The following MACROD2 variants were observed in gnomAD, a reference collection of about 807,000 sequenced individuals.
MACROD2 encodes mono-ADP ribosylhydrolase 2.
A neutral mutation model predicts 70.4 loss-of-function variants in MACROD2; 36 were observed. The observed-to-expected ratio is 0.51, with a 90% CI of 0.39 to 0.68. MACROD2 has a LOEUF of 0.68. MACROD2 is among the 30% of genes least tolerant of loss of function. The probability of loss-of-function intolerance (pLI) is 0.00; values close to 1 mark genes in which losing one functional copy is unlikely to be tolerated. For synonymous variants in MACROD2, 172 were observed against 178.8 expected (o/e 0.96, Z 0.30); for missense variants, 496 against 538.4 (o/e 0.92, Z 0.78).
chr20:14,967,786 T>G (rs922237260), intron 5 of MACROD2, among the ~76,000 whole-genome samples: 3 of 152,188 alleles, frequency 2.0e-5, no homozygotes, highest in African/African-American at 7.2e-5. Flanking sequence ...GCAAAATATT[T>G]TGAACAAAAC....
intron 6 of MACROD2, among the ~76,000 whole-genome samples, chr20:15,346,905 G>A (rs2078172820): frequency 6.6e-6 from 1 of 152,244 alleles, no homozygotes; most frequent in African/African-American, 2.4e-5. Context: ...AAATCTCTGG[G>A]GCTGAAAATT....
chr20:15,368,935 G>A (rs578069993), intron 6 of MACROD2, among the ~76,000 whole-genome samples: 27 of 152,262 alleles, frequency 1.8e-4, no homozygotes, highest in African/African-American at 5.8e-4. Flanking sequence ...AGCGGGATAC[G>A]TCATTGCCTG....
At chr20:15,187,833 C>T (rs935452842) in intron 5 of MACROD2, among the ~76,000 whole-genome samples, 5 of 152,056 alleles carry the variant, frequency 3.3e-5, no homozygotes, top group African/African-American at 1.2e-4. Flanking sequence ...GCAATTTGTT[C>T]TGTGTTCTCA....
At chr20:15,503,271 A>G (rs2047386511) in intron 8 of MACROD2, among the ~76,000 whole-genome samples, 1 of 152,196 alleles carries the variant, frequency 6.6e-6, no homozygotes, top group African/African-American at 2.4e-5. Context: ...AGAAGACAAG[A>G]ATTGTGTTGC....
chr20:14,746,233 C>A lies in MACROD2; in HGVS notation c.418+61274C>A, dbSNP rs543501738. Among the ~76,000 whole-genome samples, 35 of 152,306 alleles carry A rather than the reference C, an allele frequency of 2.3e-4. 2 individuals are homozygous for A. Among genetic ancestry groups the A allele is most frequent in the Admixed American group, 1.9e-3 (29 of 15,280 alleles). On this transcript the variant is annotated intron_variant, in intron 5 of 17. Transcript: ENST00000684519. ...TTTCACTACCAGGAATTTCCCTTTA[C>A]CTCTTGACAGAGGAACTCCTGCAGT...
chr20:15,424,977 A>G (rs13036384), intron 6 of MACROD2, among the ~76,000 whole-genome samples: 50,092 of 152,040 alleles, frequency 0.33, 8,506 homozygotes, highest in South Asian at 0.39. Flanking sequence ...AGGAGGAGGT[A>G]TGTGTCTTGA....
intron 8 of MACROD2, among the ~76,000 whole-genome samples, chr20:15,559,448 C>G (rs902236937): frequency 6.6e-6 from 1 of 152,062 alleles, no homozygotes; most frequent in Non-Finnish European, 1.5e-5. Context: ...ATATTGAAAT[C>G]GCAATCTTAT....
intron 4 of MACROD2, among the ~76,000 whole-genome samples, chr20:14,657,278 A>G (rs1008747990): frequency 1.3e-5 from 2 of 152,254 alleles, no homozygotes; most frequent in African/African-American, 4.8e-5. Context: ...TTACTTATTC[A>G]TTAGTAGAAG....
chr20:14,623,342 C>G (rs955036967), intron 4 of MACROD2, among the ~76,000 whole-genome samples: 2 of 152,086 alleles, frequency 1.3e-5, no homozygotes, highest in African/African-American at 4.8e-5. Flanking sequence ...GGACTGGATC[C>G]AGAGGGTGCT....
chr20:14,349,732 T>A (rs570777071), intron 3 of MACROD2, among the ~76,000 whole-genome samples: 1 of 150,888 alleles, frequency 6.6e-6, no homozygotes, highest in South Asian at 2.1e-4. Context: ...TTCGTCTTTC[T>A]GTGCCTGGCT....
intron 5 of MACROD2, among the ~76,000 whole-genome samples, chr20:14,704,813 C>G (rs965420124): frequency 6.6e-6 from 1 of 152,082 alleles, no homozygotes; most frequent in Non-Finnish European, 1.5e-5. Context: ...TATGCGTGTT[C>G]TTTTTTTAAA....
chr20:14,426,566 A>G (rs1262134797), intron 3 of MACROD2, among the ~76,000 whole-genome samples: 1 of 152,126 alleles, frequency 6.6e-6, no homozygotes, highest in Admixed American at 6.6e-5. Context: ...GTGTGGGACA[A>G]AGTAGCTCGA....
chr20:14,032,397 G>A (rs1344342995), intron 2 of MACROD2, among the ~76,000 whole-genome samples: 2 of 152,014 alleles, frequency 1.3e-5, no homozygotes, highest in Non-Finnish European at 2.9e-5. Flanking sequence ...CAAAATGGCC[G>A]AAAAGGTTTA....
intron 6 of MACROD2, among the ~76,000 whole-genome samples, chr20:15,369,772 A>C (rs988257658): frequency 6.6e-6 from 1 of 152,192 alleles, no homozygotes; most frequent in Non-Finnish European, 1.5e-5. Flanking sequence ...TTAGGTTCCG[A>C]TAATTAGATC....
chr20:15,335,905 C>T (rs2078043157), intron 6 of MACROD2, among the ~76,000 whole-genome samples: 1 of 151,618 alleles, frequency 6.6e-6, no homozygotes. Context: ...ATTCTTCATG[C>T]CCAAGGGGTC....
At chr20:15,194,245 CAAAAAAAAAA>C (rs71190180) in intron 5 of MACROD2, among the ~76,000 whole-genome samples, 13 of 49,846 alleles carry the variant, frequency 2.6e-4, no homozygotes, top group Non-Finnish European at 4.0e-4. Flanking sequence ...CACTCTGTCT[CAAAAAAAAAA>C]AAAAAAAAAA....
At chr20:14,826,267 G>A (rs1333123377) in intron 5 of MACROD2, among the ~76,000 whole-genome samples, 1 of 151,128 alleles carries the variant, frequency 6.6e-6, no homozygotes, top group Non-Finnish European at 1.5e-5. Flanking sequence ...CAATACCCAT[G>A]CATTGACTCC....
At chr20:15,945,672 G>GTAAA (rs2065812289) in intron 12 of MACROD2, among the ~76,000 whole-genome samples, 1 of 152,136 alleles carries the variant, frequency 6.6e-6, no homozygotes, top group Non-Finnish European at 1.5e-5. Flanking sequence ...TTCAATGGAT[G>GTAAA]TAAAGCAATC....
rs547131224 is a variant in MACROD2, at chr20:15,837,247, A to G, written c.646-25498A>G. On this transcript the variant is annotated intron_variant, in intron 8 of 17. Coordinates refer to ENST00000684519, the MANE Select transcript of MACROD2 (RefSeq NM_001351661.2). Reference sequence around the variant, plus strand: ...TAACCATAAATGCCTTTTCAAAAGTATAATATGCACTAAGATTTGCTCTGT... The same window carrying G: ...TAACCATAAATGCCTTTTCAAAAGTGTAATATGCACTAAGATTTGCTCTGT... Among the ~76,000 whole-genome samples the G allele has an allele frequency of 2.0e-4, 30 of 152,332 alleles. No individual in the cohort carries two copies. In the South Asian group the frequency reaches 3.1e-3, roughly 16 times the overall value.
Sources: allele counts gnomAD v4.1 joint callset (sites outside exome capture counted in the v4.1 genomes callset), GRCh38; gene constraint gnomAD v4.1.1; transcripts MANE v1.5; gene names NCBI Gene and HGNC (gene_info 2026-07-23, HGNC 2026-07-21).